RYR1: variants seen among roughly 807,000 people sequenced by gnomAD.
RYR1 encodes ryanodine receptor 1, also known as central core disease of muscle.
In RYR1, 342 loss-of-function variants were observed where a neutral mutation model predicts 583.5. The ratio of observed to expected loss-of-function variants is 0.59; its 90% CI spans 0.54 to 0.64. The LOEUF is 0.64. RYR1 is among the 30% of genes least tolerant of loss of function. RYR1 has a pLI of 0.00. For synonymous variants in RYR1, 2,791 were observed against 2,822.5 expected, an observed-to-expected ratio of 0.99 and a Z score of 0.35; for missense variants, 6,032 against 6,917.2, an observed-to-expected ratio of 0.87 and a Z score of 4.54.
chr19:38,534,636 G>A (rs2145743640), intron 78 of RYR1, 84 bp from the exon 79 acceptor site: 1 of 1,183,678 alleles, frequency 8.4e-7, no homozygotes, highest in Non-Finnish European at 1.2e-6. Flanking sequence ...GGCTGGAACA[G>A]GGAGGGCAGA....
At chr19:38,557,051 CTTTTTTT>C (rs35027525) in intron 89 of RYR1, among the ~76,000 whole-genome samples, 3 of 108,836 alleles carry the variant, frequency 2.8e-5, no homozygotes, top group Admixed American at 1.2e-4. Flanking sequence ...AGTCTCATTT[CTTTTTTT>C]TTTTTTTTTT....
chr19:38,455,017 G>C (rs1316617102), intron 13 of RYR1, among the ~76,000 whole-genome samples: 1 of 152,074 alleles, frequency 6.6e-6, no homozygotes, highest in Admixed American at 6.6e-5. Flanking sequence ...ATCTCATATT[G>C]GGGATAGAGT....
chr19:38,471,486 C>T (rs937952336), intron 27 of RYR1, among the ~76,000 whole-genome samples: 1 of 152,186 alleles, frequency 6.6e-6, no homozygotes, highest in Non-Finnish European at 1.5e-5. Context: ...GCCGTGGTTG[C>T]ACCACAGCAC....
chr19:38,489,986 A>G (rs552487281), intron 35 of RYR1, 90 bp from the exon 36 acceptor site: 15 of 1,368,636 alleles, frequency 1.1e-5, no homozygotes, highest in South Asian at 1.1e-4. Flanking sequence ...GGGCAGGGCC[A>G]TGGAGAGGGG....
At position 38,444,552 on chromosome 19, in the gene RYR1, G is replaced by A. The variant is rs752318254; in HGVS notation, c.538-32G>A. The A allele has an allele frequency of 4.8e-5, 77 of 1,598,454 alleles. No individual in the cohort carries two copies. The highest frequency in any genetic ancestry group is 5.5e-5 in the Non-Finnish European group (64 of 1,168,400). On this transcript the variant is annotated intron_variant, in intron 6 of 105. Transcript: ENST00000359596. This position sits in a 1 kb window ranked among gnomAD's most constrained non-coding sequence, Gnocchi z 5.1. ...GGGACTCTCGCCCACCCCTGCAATC[G>A]TCTCTGACTGCCGCATCCTGGTGGC...
chr19:38,549,330 G>A (rs1467903960), intron 89 of RYR1, among the ~76,000 whole-genome samples: 1 of 152,126 alleles, frequency 6.6e-6, no homozygotes, highest in Non-Finnish European at 1.5e-5. Context: ...GGTGGTTCAT[G>A]CCTATAATCC....
rs756136148 is a variant in RYR1, at chr19:38,463,752, G to A, written c.2688G>A (p.Arg896=). Residue 896 remains arginine (R), a synonymous_variant, in exon 22 of 106, where the codon CGG becomes CGA. Coordinates refer to ENST00000359596, the MANE Select transcript of RYR1 (RefSeq NM_000540.3). ...TGACCCTGGGTTTTCTCCAGGTTCGGGATGACAACAAGAGGCTGCACCCGT... is the reference window on the plus strand; with the variant it reads ...TGACCCTGGGTTTTCTCCAGGTTCGAGATGACAACAAGAGGCTGCACCCGT... ...IEQGWTYGPV[R]DDNKRLHPCL... is the part of the protein sequence containing the mutation. The A allele has an allele frequency of 7.4e-6, 12 of 1,614,008 alleles. No homozygotes were observed. Among genetic ancestry groups the A allele is most frequent in the Middle Eastern group, 1.6e-4 (1 of 6,084 alleles).
rs2145447502 is a variant in RYR1 at position 38,466,341 on chromosome 19, G to C, written c.3121G>C (p.Ala1041Pro). 1 of 1,596,202 alleles carries C rather than the reference G, an allele frequency of 6.3e-7. No homozygotes were observed. The highest frequency in any genetic ancestry group is 1.9e-4 in the Middle Eastern group (1 of 5,352). ...KRSNRDSLCQAVRTLLGYGYN... is the reference protein window; with the variant it reads ...KRSNRDSLCQPVRTLLGYGYN... ...CAGCAACCGGGACAGCCTCTGCCAG[G>C]CCGTGCGCACCCTCCTGGGCTACGG... Residue 1041 changes from alanine to proline, a missense_variant, in exon 24 of 106, where the codon GCC becomes CCC. By Grantham distance (27) the Ala-to-Pro change is conservative. This residue lies in a region of RYR1 where 2,627 missense variants were observed against 2,961.3 expected (regional missense o/e 0.89). Coordinates refer to ENST00000359596, the MANE Select transcript of RYR1 (RefSeq NM_000540.3).
chr19:38,483,047 A>C lies in RYR1; in HGVS notation c.4641A>C (p.Leu1547=). ...TFFQVEPNTK[L]FPAVFVLPTH... ...GCCAGGTGGAACCCAACACTAAGCT[A>C]TTTCCTGCCGTCTTCGTCCTGCCCA... The change falls in exon 32 of 106, where the codon CTA becomes CTC. Residue 1547 remains leucine, a synonymous_variant. Transcript: ENST00000359596. The surrounding 1 kb of genome is among the most constrained non-coding windows in gnomAD (Gnocchi z 6.3). The C allele has an allele frequency of 1.2e-6, 2 of 1,613,932 alleles. No homozygotes were observed. The highest frequency in any genetic ancestry group is 1.7e-6 in the Non-Finnish European group (2 of 1,179,980).
At chr19:38,518,856 G>A (rs1026833139) in intron 66 of RYR1, among the ~76,000 whole-genome samples, 29 of 152,118 alleles carry the variant, frequency 1.9e-4, no homozygotes, top group African/African-American at 7.0e-4. Flanking sequence ...GAACTCGGGA[G>A]GCAGAGGTTG....
intron 13 of RYR1, among the ~76,000 whole-genome samples, chr19:38,453,229 T>G (rs1600669264): frequency 2.5e-5 from 3 of 118,654 alleles, no homozygotes; most frequent in Admixed American, 8.8e-5. Flanking sequence ...GCTGTGCTGG[T>G]GGGCAGGACC....
At chr19:38,573,129 C>A in intron 95 of RYR1, 48 bp from the exon 96 acceptor site, 1 of 1,611,226 alleles carries the variant, frequency 6.2e-7, no homozygotes, top group Non-Finnish European at 8.5e-7. Flanking sequence ...AGACTATGGT[C>A]CAGCCAAGGT....
chr19:38,585,332 G>A (rs909754413), intron 102 of RYR1, among the ~76,000 whole-genome samples: 17 of 149,168 alleles, frequency 1.1e-4, no homozygotes, highest in Non-Finnish European at 1.6e-4. Context: ...ATAGGCGCTC[G>A]GTGTCTGGCT....
At chr19:38,476,821 G>T (rs1174822680) in intron 29 of RYR1, among the ~76,000 whole-genome samples, 1 of 152,040 alleles carries the variant, frequency 6.6e-6, no homozygotes, top group East Asian at 1.9e-4. Flanking sequence ...CAGTAGAATG[G>T]GGGTAAAAAT....
chr19:38,522,369 G>GGTGGGT (rs1971262654), intron 67 of RYR1, among the ~76,000 whole-genome samples: 1 of 151,034 alleles, frequency 6.6e-6, no homozygotes, highest in African/African-American at 2.4e-5. Context: ...TGAGAGGTCA[G>GGTGGGT]GGAAAGAGGA....
At chr19:38,570,856 C>G (rs1466744086) in intron 94 of RYR1, among the ~76,000 whole-genome samples, 163 bp downstream of exon 94, 1 of 152,188 alleles carries the variant, frequency 6.6e-6, no homozygotes, top group African/African-American at 2.4e-5. Flanking sequence ...CTGGGACCCC[C>G]CTCCATGGGG....
chr19:38,519,822 G>C (rs1009567390), intron 67 of RYR1, among the ~76,000 whole-genome samples: 2 of 151,856 alleles, frequency 1.3e-5, no homozygotes. Context: ...AGGATTACAG[G>C]TGCATGCCAC....
chr19:38,510,567 T>TGA lies in RYR1; in HGVS notation c.9000+6_9000+7dup. On this transcript the variant is annotated splice_region_variant and intron_variant, in intron 59 of 105. Transcript: ENST00000359596. The stretch of plus-strand genomic sequence containing the variant: ...CAGGAGATTAAATTCTTTGCCAAGG[T>TGA]GAGAGGTGGGCTTAGAAGCTGGAGG... The TGA allele has an allele frequency of 6.2e-7, 1 of 1,614,096 alleles. No individual in the cohort carries two copies. The highest frequency in any genetic ancestry group is 2.2e-5 in the East Asian group (1 of 44,860).
chr19:38,582,166 G>T (rs1185145464), intron 101 of RYR1, among the ~76,000 whole-genome samples: 1 of 152,130 alleles, frequency 6.6e-6, no homozygotes, highest in East Asian at 1.9e-4. Context: ...GGGGGGCTGA[G>T]GGGGGCAGAT....
Sources: allele counts gnomAD v4.1 joint callset (sites outside exome capture counted in the v4.1 genomes callset), GRCh38; gene constraint gnomAD v4.1.1; regional missense constraint gnomAD v4.1.1; non-coding constraint Gnocchi (gnomAD v3.1); transcripts MANE v1.5; gene names NCBI Gene and HGNC (gene_info 2026-07-23, HGNC 2026-07-21).